The following ZBTB2 variants were observed in gnomAD, a reference collection of about 807,000 sequenced individuals.
ZBTB2 encodes zinc finger and BTB domain-containing protein 2.
ZBTB2 carries 2 observed loss-of-function variants against 39.5 expected under a neutral mutation model. The observed-to-expected ratio is 0.05, with a 90% CI of 0.02 to 0.16. The LOEUF is 0.16. ZBTB2 is among the 10% of genes least tolerant of loss of function. ZBTB2 has a pLI of 1.00. For missense variants in ZBTB2, 391 were observed against 653.0 expected (o/e 0.60, Z 4.37); for synonymous variants, 251 against 256.6 (o/e 0.98, Z 0.21).
rs1778621182 is a variant in ZBTB2, at chr6:151,365,399, AGAG to A, written c.*119_*121del. On this transcript the variant is annotated 3_prime_UTR_variant, in exon 3 of 3. Coordinates refer to ENST00000325144, the MANE Select transcript of ZBTB2 (RefSeq NM_020861.3). This position sits in a 1 kb window ranked among gnomAD's most constrained non-coding sequence, Gnocchi z 5.6. ...TGGGGCTGGGATGTGGAAAAGGGGA[AGAG>A]GAGAAGAGAACAAGGACCTGTTTGT... is the stretch of plus-strand genomic sequence containing the variant. 12 of 1,134,248 alleles carry A rather than the reference AGAG, an allele frequency of 1.1e-5. No homozygotes were observed. In the East Asian group the frequency reaches 1.7e-4, roughly 16 times the overall value. 70.3% of individuals were successfully genotyped at this position (1,134,248 alleles called of 1,614,324 possible). A position where few individuals can be genotyped will look rare whatever the true frequency, so the allele number is the denominator to read the frequency against.
intron 1 of ZBTB2, among the ~76,000 whole-genome samples, chr6:151,389,916 T>C (rs1779245928): frequency 6.6e-6 from 1 of 151,834 alleles, no homozygotes. Context: ...GGCTAAAAAG[T>C]TCTCTCTTGC....
chr6:151,375,042 C>T (rs1249168598), intron 1 of ZBTB2, among the ~76,000 whole-genome samples: 1 of 151,600 alleles, frequency 6.6e-6, no homozygotes, highest in Non-Finnish European at 1.5e-5. Flanking sequence ...ATGGCATGAA[C>T]CCAGGAGGCG....
chr6:151,367,106 T>A (rs1460086745), intron 2 of ZBTB2, among the ~76,000 whole-genome samples: 1 of 152,062 alleles, frequency 6.6e-6, no homozygotes, highest in African/African-American at 2.4e-5. Flanking sequence ...TAGAGCAGTT[T>A]TTCTCCTAGT....
intron 1 of ZBTB2, among the ~76,000 whole-genome samples, chr6:151,385,798 A>G (rs1181617296): frequency 6.6e-6 from 1 of 152,228 alleles, no homozygotes; most frequent in African/African-American, 2.4e-5. Context: ...AATAATTAAT[A>G]TTGGAGGGCC....
intron 2 of ZBTB2, among the ~76,000 whole-genome samples, chr6:151,367,835 T>G (rs1778683663): frequency 6.6e-6 from 1 of 152,238 alleles, no homozygotes; most frequent in Admixed American, 6.5e-5. Context: ...TAGATTCTAC[T>G]CCTTTTATCA....
intron 2 of ZBTB2, among the ~76,000 whole-genome samples, chr6:151,371,632 G>A (rs2114857975): frequency 6.6e-6 from 1 of 152,282 alleles, no homozygotes; most frequent in Admixed American, 6.5e-5. Flanking sequence ...TGGGCTCCAA[G>A]CCTGTGGGGC....
At chr6:151,373,862 A>AAC (rs1778840153) in intron 1 of ZBTB2, among the ~76,000 whole-genome samples, 2 of 146,802 alleles carry the variant, frequency 1.4e-5, no homozygotes, top group Non-Finnish European at 3.0e-5. Context: ...AAAAAAAAAA[A>AAC]AAAAAAAAAA....
chr6:151,382,055 A>G lies in ZBTB2; in HGVS notation c.-12-8406T>C, dbSNP rs190167759. Among the ~76,000 whole-genome samples the G allele has an allele frequency of 9.2e-5, 14 of 152,306 alleles. No individual in the cohort carries two copies. In the South Asian group the frequency reaches 1.2e-3, roughly 14 times the overall value. The stretch of plus-strand genomic sequence containing the variant: ...GGCTATATGGTAATCTACTGCTCCT[A>G]GGCTACAAACCTGGACAGCATGTTA... On this transcript the variant is annotated intron_variant, in intron 1 of 2. Transcript: ENST00000325144.
At chr6:151,390,035 G>T (rs1286981876) in intron 1 of ZBTB2, among the ~76,000 whole-genome samples, 2 of 151,960 alleles carry the variant, frequency 1.3e-5, no homozygotes, top group Non-Finnish European at 2.9e-5. Flanking sequence ...CGTGAGGGCC[G>T]CGCGGGTCCC....
intron 1 of ZBTB2, among the ~76,000 whole-genome samples, chr6:151,373,857 A>ACAAAAC (rs1275570319): frequency 4.2e-5 from 6 of 144,146 alleles, no homozygotes; most frequent in Non-Finnish European, 7.5e-5. Context: ...AAAAAAAAAA[A>ACAAAAC]AAAAAAAAAA....
intron 2 of ZBTB2, among the ~76,000 whole-genome samples, chr6:151,368,994 C>T (rs1330605531): frequency 6.6e-6 from 1 of 151,786 alleles, no homozygotes; most frequent in Non-Finnish European, 1.5e-5. Flanking sequence ...AACTCCTGAC[C>T]TCAAGTGATC....
rs2114847386 is a variant in ZBTB2 at position 151,365,422 on chromosome 6, G to A, written c.*99C>T. ...GAAGAGGAGAAGAGAACAAGGACCT[G>A]TTTGTATCATGCCATGGAGAACTAC... On this transcript the variant is annotated 3_prime_UTR_variant, in exon 3 of 3. Coordinates refer to ENST00000325144, the MANE Select transcript of ZBTB2 (RefSeq NM_020861.3). The surrounding 1 kb of genome is among the most constrained non-coding windows in gnomAD (Gnocchi z 5.6). 1 of 1,385,566 alleles carries A rather than the reference G, an allele frequency of 7.2e-7. No homozygotes were observed. Among genetic ancestry groups the A allele is most frequent in the East Asian group, 2.3e-5 (1 of 43,562 alleles). The allele number at this position is 1,385,566 out of a possible 1,614,324, so 85.8% of individuals were successfully genotyped here. A position where few individuals can be genotyped will look rare whatever the true frequency, so the allele number is the denominator to read the frequency against.
At chr6:151,380,481 C>T (rs1192039703) in intron 1 of ZBTB2, among the ~76,000 whole-genome samples, 1 of 152,208 alleles carries the variant, frequency 6.6e-6, no homozygotes, top group Non-Finnish European at 1.5e-5. Context: ...CCAGCTAGGG[C>T]CCTGGCATCC....
chr6:151,370,826 TCTGCA>T (rs1778773722), intron 2 of ZBTB2, among the ~76,000 whole-genome samples: 1 of 152,236 alleles, frequency 6.6e-6, no homozygotes, highest in Non-Finnish European at 1.5e-5. Flanking sequence ...GAGCTTGAAT[TCTGCA>T]CTAGGAGGCA....
intron 2 of ZBTB2, among the ~76,000 whole-genome samples, chr6:151,372,184 T>C (rs1778802226): frequency 6.6e-6 from 1 of 152,106 alleles, no homozygotes; most frequent in African/African-American, 2.4e-5. Flanking sequence ...TATTCAGCTA[T>C]AAAAATGCAG....
intron 1 of ZBTB2, among the ~76,000 whole-genome samples, chr6:151,380,226 A>C (rs1331970777): frequency 6.6e-6 from 1 of 152,222 alleles, no homozygotes; most frequent in East Asian, 1.9e-4. Context: ...ATCAACTTGA[A>C]AAAAATCTTC....
At position 151,369,324 on chromosome 6, in the gene ZBTB2, G is replaced by A. The variant is rs1363782493; in HGVS notation, c.174-2432C>T. Among the ~76,000 whole-genome samples, 5 of 151,964 alleles carry A rather than the reference G, an allele frequency of 3.3e-5. No homozygotes were observed. The South Asian group carries it at 8.3e-4, about 25-fold the overall frequency. ...AGCCAGGGATGCGAGGGCCCAAGGA[G>A]GTCTCCAAACACCAATTTATTTTGA... On this transcript the variant is annotated intron_variant, in intron 2 of 2. Coordinates refer to ENST00000325144, the MANE Select transcript of ZBTB2 (RefSeq NM_020861.3).
chr6:151,378,676 T>C (rs1338101888), intron 1 of ZBTB2, among the ~76,000 whole-genome samples: 1 of 152,232 alleles, frequency 6.6e-6, no homozygotes, highest in African/African-American at 2.4e-5. Flanking sequence ...CCAACTGTGA[T>C]ATGCTCCCTG....
chr6:151,376,883 AC>A (rs1366230927), intron 1 of ZBTB2, among the ~76,000 whole-genome samples: 11 of 152,312 alleles, frequency 7.2e-5, no homozygotes, highest in Admixed American at 5.2e-4. Context: ...TCACACAAAA[AC>A]CTGTACAGGA....
Sources: allele counts gnomAD v4.1 joint callset (sites outside exome capture counted in the v4.1 genomes callset), GRCh38; gene constraint gnomAD v4.1.1; non-coding constraint Gnocchi (gnomAD v3.1); transcripts MANE v1.5; gene names NCBI Gene and HGNC (gene_info 2026-07-23, HGNC 2026-07-21).